Variants in ZBTB20 observed in about 807,000 individuals in gnomAD.
ZBTB20 encodes zinc finger and BTB domain-containing protein 20.
Under a neutral mutation model 56.9 loss-of-function variants are expected in ZBTB20, and 9 were observed. The observed-to-expected ratio is 0.16, with a 90% CI of 0.10 to 0.28. The LOEUF (loss-of-function observed/expected upper bound fraction) is 0.28. Among genes scored for constraint, ZBTB20 ranks in the 10% least tolerant of loss-of-function variants. The pLI is 1.00. For synonymous variants in ZBTB20, 417 were observed against 420.7 expected, an observed-to-expected ratio of 0.99 and a Z score of 0.11; for missense variants, 655 against 1,003.0, an observed-to-expected ratio of 0.65 and a Z score of 4.69.
chr3:114,347,894 A>G (rs1416166847), intron 11 of ZBTB20, among the ~76,000 whole-genome samples: 2 of 152,226 alleles, frequency 1.3e-5, no homozygotes, highest in African/African-American at 4.8e-5. Flanking sequence ...AATTTACTAG[A>G]AAACTGAAGT....
Position 114,350,402 on chromosome 3 carries a change from G to T in ZBTB20, c.1676C>A (p.Pro559His). The T allele has an allele frequency of 3.7e-6, 6 of 1,614,188 alleles. No individual in the cohort carries two copies. The highest frequency in any genetic ancestry group is 5.1e-6 in the Non-Finnish European group (6 of 1,180,038). ...TFTAQLPAPQ[P>H]LASSAGHSTA... is the part of the protein sequence containing the mutation. ...GCTGTGGCCTGCGGATGAGGCCAGGGGCTGTGGCGCTGGCAGCTGTGCAGT... is the reference window on the plus strand; with the variant it reads ...GCTGTGGCCTGCGGATGAGGCCAGGTGCTGTGGCGCTGGCAGCTGTGCAGT... Residue 559 changes from proline to histidine, a missense_variant, in exon 11 of 12, where the codon CCC (proline) becomes CAC (histidine). By Grantham distance (77) the Pro-to-His change is moderately conservative. Coordinates refer to ENST00000675478, the MANE Select transcript of ZBTB20 (RefSeq NM_001348800.3).
chr3:114,487,964 GTTGC>G (rs1358319434), intron 7 of ZBTB20, among the ~76,000 whole-genome samples: 2 of 152,220 alleles, frequency 1.3e-5, no homozygotes, highest in Non-Finnish European at 2.9e-5. Flanking sequence ...ATCAGGCAAT[GTTGC>G]CAGTGTGTAT....
At chr3:114,956,722 C>G (rs1284909804) in intron 3 of ZBTB20, among the ~76,000 whole-genome samples, 1 of 152,154 alleles carries the variant, frequency 6.6e-6, no homozygotes, top group African/African-American at 2.4e-5. Context: ...GGGCACTACA[C>G]CAAAACATGC....
intron 2 of ZBTB20, among the ~76,000 whole-genome samples, chr3:114,974,791 G>T (rs1300196925): frequency 6.6e-6 from 1 of 152,112 alleles, no homozygotes; most frequent in Non-Finnish European, 1.5e-5. Context: ...AGTTCGCAAA[G>T]TTCTATGATG....
chr3:114,956,915 T>C (rs1007113478), intron 3 of ZBTB20, among the ~76,000 whole-genome samples: 3 of 152,176 alleles, frequency 2.0e-5, no homozygotes, highest in South Asian at 2.1e-4. Flanking sequence ...TACGCAACAA[T>C]GTACACTGTT....
intron 5 of ZBTB20, among the ~76,000 whole-genome samples, chr3:114,764,229 C>T (rs2068628137): frequency 1.4e-5 from 2 of 143,328 alleles, no homozygotes. Flanking sequence ...CTCACAACCC[C>T]CTTCTACCTC....
intron 7 of ZBTB20, among the ~76,000 whole-genome samples, chr3:114,468,205 T>G (rs1285265351): frequency 1.3e-5 from 2 of 152,244 alleles, no homozygotes; most frequent in East Asian, 3.8e-4. Flanking sequence ...AATACTTTTC[T>G]CAAGTATTTA....
chr3:114,912,505 G>A (rs981873517), intron 3 of ZBTB20, among the ~76,000 whole-genome samples: 1 of 150,854 alleles, frequency 6.6e-6, no homozygotes, highest in Admixed American at 6.6e-5. Flanking sequence ...TATATTTATG[G>A]GGTACATGAG....
intron 11 of ZBTB20, among the ~76,000 whole-genome samples, chr3:114,346,180 A>G (rs1265897140): frequency 1.3e-5 from 2 of 152,248 alleles, no homozygotes; most frequent in African/African-American, 4.8e-5. Context: ...TATGAAGAAT[A>G]TTCAAGAGCA....
chr3:114,668,276 G>A (rs986900363), intron 6 of ZBTB20, among the ~76,000 whole-genome samples: 2 of 151,918 alleles, frequency 1.3e-5, no homozygotes, highest in South Asian at 2.1e-4. Flanking sequence ...ACTGTATGAC[G>A]TTGGGCAAGC....
intron 6 of ZBTB20, among the ~76,000 whole-genome samples, chr3:114,653,115 A>T (rs1480431607): frequency 2.0e-5 from 3 of 151,926 alleles, no homozygotes; most frequent in Non-Finnish European, 4.4e-5. Context: ...TCCTATGCTT[A>T]TACCTTTAAT....
chr3:114,472,481 G>A (rs1013530329), intron 7 of ZBTB20, among the ~76,000 whole-genome samples: 18 of 152,226 alleles, frequency 1.2e-4, no homozygotes, highest in South Asian at 2.1e-4. Context: ...AGGCCAAGGC[G>A]GGCACATCAC....
intron 5 of ZBTB20, among the ~76,000 whole-genome samples, chr3:114,772,156 A>G (rs1045510663): frequency 2.0e-5 from 3 of 152,104 alleles, no homozygotes; most frequent in African/African-American, 4.8e-5. Context: ...CCTGGCCAAC[A>G]TGGTGAAACC....
chr3:114,413,960 C>T (rs1559757416), intron 7 of ZBTB20, among the ~76,000 whole-genome samples: 1 of 152,100 alleles, frequency 6.6e-6, no homozygotes, highest in Non-Finnish European at 1.5e-5. Flanking sequence ...CTAATTTAAC[C>T]TGTTAAAGCG....
chr3:114,685,358 G>A (rs2108276899), intron 6 of ZBTB20, among the ~76,000 whole-genome samples: 1 of 152,246 alleles, frequency 6.6e-6, no homozygotes, highest in East Asian at 1.9e-4. Flanking sequence ...AAGCTTTCAT[G>A]AGCTGACAAG....
chr3:114,791,453 C>CT (rs985258912), intron 5 of ZBTB20, among the ~76,000 whole-genome samples: 37 of 152,228 alleles, frequency 2.4e-4, no homozygotes, highest in African/African-American at 8.2e-4. Context: ...CAGCCAGAGT[C>CT]TAGTCAGGCC....
At chr3:114,762,312 A>G (rs1362788734) in intron 5 of ZBTB20, among the ~76,000 whole-genome samples, 1 of 152,194 alleles carries the variant, frequency 6.6e-6, no homozygotes, top group African/African-American at 2.4e-5. Flanking sequence ...AAATAATCCC[A>G]TGCTGCTAAC....
At chr3:114,536,096 G>A (rs925861176) in intron 6 of ZBTB20, among the ~76,000 whole-genome samples, 8 of 152,142 alleles carry the variant, frequency 5.3e-5, no homozygotes, top group African/African-American at 1.9e-4. Context: ...ACAAGACAAG[G>A]ATGCCTTCTC....
chr3:114,976,226 T>A (rs2078092681), intron 2 of ZBTB20, among the ~76,000 whole-genome samples: 1 of 152,116 alleles, frequency 6.6e-6, no homozygotes, highest in African/African-American at 2.4e-5. Context: ...ACACTGAGAG[T>A]TACCTGGCCT....
Sources: gnomAD v4.1 joint callset for allele counts (sites outside exome capture counted in the v4.1 genomes callset) on GRCh38, gnomAD v4.1.1 for gene constraint, MANE v1.5 for transcripts, NCBI Gene and HGNC (gene_info 2026-07-23, HGNC 2026-07-21) for gene names.